Variants in ADGRG5 observed in about 807,000 individuals in gnomAD.
ADGRG5 encodes adhesion G protein-coupled receptor G5.
A neutral mutation model predicts 53.2 loss-of-function variants in ADGRG5; 37 were observed. That is an observed-to-expected ratio of 0.70 (90% CI 0.53 to 0.91). ADGRG5 has a LOEUF of 0.91. Ranked by LOEUF, ADGRG5 falls within the 40% of genes least tolerant of loss-of-function variation. The probability of loss-of-function intolerance (pLI) is 0.00; values close to 1 mark genes in which losing one functional copy is unlikely to be tolerated. For synonymous variants in ADGRG5, 277 were observed against 290.4 expected (o/e 0.95, Z 0.47); for missense variants, 614 against 675.8 (o/e 0.91, Z 1.01).
intron 6 of ADGRG5, chr16:57,565,787 G>A (rs2033117406): frequency 6.6e-6 from 1 of 152,422 alleles, no homozygotes; most frequent in Non-Finnish European, 1.5e-5. Context: ...GCTGATCCTG[G>A]AACAGAGACA....
At chr16:57,540,199 C>G (rs573312123), upstream of ADGRG5, among the ~76,000 whole-genome samples, 11 of 152,048 alleles carry the variant, frequency 7.2e-5, no homozygotes, top group Non-Finnish European at 1.0e-4. Context: ...GCCGAGATTG[C>G]GCCACTGCAC....
At chr16:57,544,787 G>GTTTGT (rs1179091211) in intron 1 of ADGRG5, among the ~76,000 whole-genome samples, 1 of 151,962 alleles carries the variant, frequency 6.6e-6, no homozygotes, top group Non-Finnish European at 1.5e-5. Flanking sequence ...TTGTTTGTTT[G>GTTTGT]TTTGTTTTGT....
the ADGRG5 span, among the ~76,000 whole-genome samples, chr16:57,537,293 T>C: frequency 6.6e-6 from 1 of 150,904 alleles, no homozygotes; most frequent in Non-Finnish European, 1.5e-5. Flanking sequence ...CACTACATCC[T>C]GTACCCTGGA....
At position 57,575,691 on chromosome 16, in the gene ADGRG5, C is replaced by T; in HGVS notation, c.*153C>T. 1 of 619,206 alleles carries T rather than the reference C, an allele frequency of 1.6e-6. No homozygotes were observed. Among genetic ancestry groups the T allele is most frequent in the Non-Finnish European group, 2.9e-6 (1 of 349,888 alleles). The allele number at this position is 619,206 out of a possible 1,614,324, so 38.4% of individuals were successfully genotyped here. ...TTTCCACTTCCACGGCCTCTCCAGG[C>T]ACTGAGGGGAAGGCATTGCTCTACC... On this transcript the variant is annotated 3_prime_UTR_variant, in exon 12 of 12. Transcript: ENST00000349457.
intron 9 of ADGRG5, among the ~76,000 whole-genome samples, chr16:57,570,008 T>TCACCCCCTCCTC (rs2033302172): frequency 6.7e-6 from 1 of 150,366 alleles, no homozygotes; most frequent in African/African-American, 2.5e-5. Flanking sequence ...TTCACCACCA[T>TCACCCCCTCCTC]CACCACCTAC....
At chr16:57,571,943 T>C (rs1156709032) in intron 10 of ADGRG5, among the ~76,000 whole-genome samples, 1 of 151,930 alleles carries the variant, frequency 6.6e-6, no homozygotes, top group African/African-American at 2.4e-5. Flanking sequence ...ATGCCCAGCC[T>C]ATTTTCTTAT....
upstream of ADGRG5, among the ~76,000 whole-genome samples, chr16:57,538,179 G>C (rs57921705): frequency 6.6e-6 from 1 of 152,126 alleles, no homozygotes; most frequent in Admixed American, 6.5e-5. Flanking sequence ...CTAGGGTGGG[G>C]TGACGTGACC....
intron 1 of ADGRG5, among the ~76,000 whole-genome samples, chr16:57,544,456 C>T (rs2032567832): frequency 6.6e-6 from 1 of 152,082 alleles, no homozygotes; most frequent in Non-Finnish European, 1.5e-5. Flanking sequence ...GGGTGGAAAC[C>T]ACAGCTTCTA....
chr16:57,567,787 A>G (rs2033177822), intron 8 of ADGRG5, 69 bp from the exon 9 acceptor site: 6 of 1,527,700 alleles, frequency 3.9e-6, no homozygotes, highest in Admixed American at 3.6e-5. Context: ...GCATGCACCT[A>G]TGCACCCAGT....
chr16:57,544,403 G>A (rs940924660), intron 1 of ADGRG5, among the ~76,000 whole-genome samples: 7 of 152,148 alleles, frequency 4.6e-5, no homozygotes, highest in African/African-American at 1.7e-4. Flanking sequence ...GAATTTGGAG[G>A]TTGCAAGCAG....
intron 11 of ADGRG5, 55 bp from the exon 12 acceptor site, chr16:57,575,383 C>G (rs1422203627): frequency 6.5e-6 from 10 of 1,531,430 alleles, no homozygotes; most frequent in Middle Eastern, 1.7e-4. Flanking sequence ...CAAGGAGACC[C>G]TGGCCTTTGG....
At chr16:57,571,260 C>T (rs1438126927) in intron 10 of ADGRG5, among the ~76,000 whole-genome samples, 2 of 152,158 alleles carry the variant, frequency 1.3e-5, no homozygotes, top group Non-Finnish European at 2.9e-5. Context: ...TATCAGCTGG[C>T]TTCGTTTTCA....
chr16:57,547,365 A>G (rs1455358978), intron 1 of ADGRG5, among the ~76,000 whole-genome samples: 4 of 152,214 alleles, frequency 2.6e-5, no homozygotes, highest in Admixed American at 6.5e-5. Context: ...AAATGAGATT[A>G]TGTGTGTTAT....
At chr16:57,546,128 A>G (rs150918537) in intron 1 of ADGRG5, among the ~76,000 whole-genome samples, 2,844 of 151,498 alleles carry the variant, frequency 0.019, 43 homozygotes, top group Non-Finnish European at 0.025. Context: ...GTCTGGCTCT[A>G]TTTATTTATT....
upstream of ADGRG5, among the ~76,000 whole-genome samples, chr16:57,541,040 C>T (rs1015967217): frequency 9.9e-5 from 15 of 152,164 alleles, no homozygotes; most frequent in African/African-American, 3.6e-4. Flanking sequence ...ATCTGCCTGC[C>T]TCCACCTCCC....
Position 57,575,622 on chromosome 16 carries a change from C to A in ADGRG5, c.*84C>A. 9.0e-7 allele frequency: 1 copy of A among 1,116,086 alleles called. No homozygotes were observed. The highest frequency in any genetic ancestry group is 1.3e-6 in the Non-Finnish European group (1 of 747,240). The allele number at this position is 1,116,086 out of a possible 1,614,324, so 69.1% of individuals were successfully genotyped here. On this transcript the variant is annotated 3_prime_UTR_variant, in exon 12 of 12. Coordinates refer to ENST00000349457, the MANE Select transcript of ADGRG5 (RefSeq NM_001304376.3). Reference sequence around the variant, plus strand: ...GGCTCCTGCTAGAGAGGGTGGCAGGCCTGCTGCTGGACCCCAGAGGCCACT... The same window carrying A: ...GGCTCCTGCTAGAGAGGGTGGCAGGACTGCTGCTGGACCCCAGAGGCCACT...
upstream of ADGRG5, among the ~76,000 whole-genome samples, chr16:57,540,309 C>T (rs1185579058): frequency 6.6e-6 from 1 of 152,308 alleles, no homozygotes; most frequent in East Asian, 1.9e-4. Context: ...TTTTGCTGGA[C>T]ACAACCAAGA....
At chr16:57,541,818 C>A (rs910013457), upstream of ADGRG5, among the ~76,000 whole-genome samples, 17 of 152,208 alleles carry the variant, frequency 1.1e-4, no homozygotes, top group Non-Finnish European at 1.3e-4. Flanking sequence ...TCCCTTAGAG[C>A]TCTTCAGAGG....
chr16:57,534,535 C>A, the ADGRG5 span, among the ~76,000 whole-genome samples: 1 of 152,178 alleles, frequency 6.6e-6, no homozygotes, highest in East Asian at 1.9e-4. Context: ...CCTTCTCTAA[C>A]CTCTCTGCAC....
Sources: gnomAD v4.1 joint callset for allele counts (sites outside exome capture counted in the v4.1 genomes callset) on GRCh38, gnomAD v4.1.1 for gene constraint, MANE v1.5 for transcripts, NCBI Gene and HGNC (gene_info 2026-07-23, HGNC 2026-07-21) for gene names.